The following ANK2 variants were observed in gnomAD, a reference collection of about 807,000 sequenced individuals.
The protein encoded by ANK2 is ankyrin-2.
Under a neutral mutation model 360.5 loss-of-function variants are expected in ANK2, and 83 were observed. That is an observed-to-expected ratio of 0.23 (90% CI 0.19 to 0.28). The LOEUF (loss-of-function observed/expected upper bound fraction) is 0.28. ANK2 is among the 10% of genes least tolerant of loss of function. The pLI, the probability that ANK2 is intolerant of heterozygous loss-of-function variation, is 1.00. For missense variants in ANK2, 4,201 were observed against 4,795.7 expected, an observed-to-expected ratio of 0.88 and a Z score of 3.66; for synonymous variants, 1,740 against 1,759.5, an observed-to-expected ratio of 0.99 and a Z score of 0.28.
chr4:113,301,378 TACACAC>T (rs59844602), intron 22 of ANK2, among the ~76,000 whole-genome samples: 18,373 of 149,512 alleles, frequency 0.12, 2,221 homozygotes, highest in African/African-American at 0.32. Context: ...GATGTTTTGA[TACACAC>T]ACACACACAC....
chr4:112,941,642 TATAA>T (rs2094220183), intron 2 of ANK2, among the ~76,000 whole-genome samples: 1 of 144,670 alleles, frequency 6.9e-6, no homozygotes, highest in South Asian at 2.1e-4. Context: ...TATATAAATA[TATAA>T]ATATATAGAT....
chr4:113,151,213 T>G, intron 1 of ANK2: 1 of 1,113,642 alleles, frequency 9.0e-7, no homozygotes, highest in Non-Finnish European at 1.2e-6. Context: ...AAAAAAGGAA[T>G]GTACCCTTAC....
the ANK2 span, among the ~76,000 whole-genome samples, chr4:112,732,285 T>C: frequency 6.7e-6 from 1 of 149,676 alleles, no homozygotes; most frequent in Admixed American, 6.7e-5. Context: ...GGTCTGGCCC[T>C]GTTGCCCAGG....
Position 112,826,553 on chromosome 4 carries a change from G to A in ANK2, c.-40+8289G>A, listed in dbSNP as rs957695355. On this transcript the variant is annotated intron_variant, in intron 1 of 30. Coordinates refer to the ANK2 transcript ENST00000503271. ...CAATGCAAATCAAACTTGCCCAGCCGGGCCCTGTCCTTTCACAACCAGCTG... is the reference window on the plus strand; with the variant it reads ...CAATGCAAATCAAACTTGCCCAGCCAGGCCCTGTCCTTTCACAACCAGCTG... The A allele has an allele frequency of 1.4e-5, 20 of 1,432,810 alleles. No homozygotes were observed. In the South Asian group the frequency reaches 1.4e-4, roughly 10 times the overall value. The allele number at this position is 1,432,810 out of a possible 1,614,324, so 88.8% of individuals were successfully genotyped here. A position where few individuals can be genotyped will look rare whatever the true frequency, so the allele number is the denominator to read the frequency against.
chr4:113,213,838 G>T (rs1315822159), intron 4 of ANK2, among the ~76,000 whole-genome samples: 1 of 151,946 alleles, frequency 6.6e-6, no homozygotes, highest in Non-Finnish European at 1.5e-5. Context: ...AACAAGAAAA[G>T]GATTCCTGTT....
At chr4:112,879,983 A>G (rs2076245296) in intron 1 of ANK2, among the ~76,000 whole-genome samples, 1 of 152,090 alleles carries the variant, frequency 6.6e-6, no homozygotes, top group African/African-American at 2.4e-5. Flanking sequence ...GCTGCACACC[A>G]TAAAGCAGCT....
rs1025647578 is a variant in ANK2 at position 113,098,714 on chromosome 4, C to T, written c.84+48902C>T. Among the ~76,000 whole-genome samples the T allele has an allele frequency of 6.8e-4, 103 of 151,794 alleles. 3 individuals are homozygous for T. The highest frequency in any genetic ancestry group is 2.5e-4 in the Non-Finnish European group (17 of 67,810). On this transcript the variant is annotated intron_variant, in intron 1 of 45. Transcript: ENST00000357077. ...CTGGTATAACCCTAATTCTAAAACC[C>T]AATAAAGACAGGACAAGAAAGGAAA...
At chr4:112,773,564 A>G in the ANK2 span, among the ~76,000 whole-genome samples, 2 of 152,154 alleles carry the variant, frequency 1.3e-5, no homozygotes, top group Non-Finnish European at 2.9e-5. Flanking sequence ...ACATTTGGGA[A>G]TCCACTTTTT....
chr4:113,177,396 A>C (rs2098258120), intron 2 of ANK2, among the ~76,000 whole-genome samples: 1 of 152,278 alleles, frequency 6.6e-6, no homozygotes, highest in African/African-American at 2.4e-5. Context: ...AGGTTTCTTT[A>C]AGTAGATTAA....
At chr4:113,309,689 GA>G in intron 23 of ANK2, among the ~76,000 whole-genome samples, 1 of 151,716 alleles carries the variant, frequency 6.6e-6, no homozygotes, top group Non-Finnish European at 1.5e-5. Context: ...CTGCTAATTT[GA>G]AAAAAATTTT....
At chr4:112,839,100 C>T (rs2061578173) in intron 1 of ANK2, among the ~76,000 whole-genome samples, 1 of 152,198 alleles carries the variant, frequency 6.6e-6, no homozygotes, top group Admixed American at 6.5e-5. Context: ...TCCATGAAGA[C>T]ATTTTGCACC....
In ANK2 at chr4:113,121,744, TG is replaced by T. The variant is rs2095371852; in HGVS notation, c.85-52671del. Among the ~76,000 whole-genome samples, 6 of 152,280 alleles carry T rather than the reference TG, an allele frequency of 3.9e-5. No homozygotes were observed. The South Asian group carries it at 1.2e-3, about 32-fold the overall frequency. ...ATTAAAAAAAAGCCTCCTTTTGAGT[TG>T]TTTTCATTTAATTTCACAGTAAAAG... On this transcript the variant is annotated intron_variant, in intron 1 of 45. Coordinates refer to ENST00000357077, the MANE Select transcript of ANK2 (RefSeq NM_001148.6).
At chr4:112,721,033 G>T in the ANK2 span, among the ~76,000 whole-genome samples, 1 of 152,110 alleles carries the variant, frequency 6.6e-6, no homozygotes, top group Non-Finnish European at 1.5e-5. Context: ...TTCTCTTGCT[G>T]CAGAGAAAAT....
chr4:112,707,610 TATAA>T, the ANK2 span, among the ~76,000 whole-genome samples: 1 of 152,348 alleles, frequency 6.6e-6, no homozygotes, highest in African/African-American at 2.4e-5. Context: ...TATTTGCAAT[TATAA>T]ATCATATTTT....
At chr4:112,752,575 G>T in the ANK2 span, among the ~76,000 whole-genome samples, 1 of 151,556 alleles carries the variant, frequency 6.6e-6, no homozygotes, top group Non-Finnish European at 1.5e-5. Context: ...TTGAGACAGG[G>T]ATCTGTTGAT....
chr4:113,355,543 A>G lies in ANK2; in HGVS notation c.6925A>G (p.Lys2309Glu), dbSNP rs1200947094. ...AGAGACCTCTACTGAGAGTTTTCAGAAAGAGGCCACTCTAGGCTCTCCCAA... is the reference window on the plus strand; with the variant it reads ...AGAGACCTCTACTGAGAGTTTTCAGGAAGAGGCCACTCTAGGCTCTCCCAA... The part of the protein sequence containing the change: ...DSETSTESFQ[K>E]EATLGSPKDT... Residue 2309 changes from lysine (K) to glutamate (E), a missense_variant, in exon 38 of 46, where the codon AAA becomes GAA. Physicochemically the swap from Lys to Glu is moderately conservative, Grantham distance 56. Around this residue, in one of 4 missense-constraint regions of ANK2, gnomAD observed 2,642 missense variants for 2,714.5 expected, o/e 0.97. Transcript: ENST00000357077. 3 of 1,614,118 alleles carry G rather than the reference A, an allele frequency of 1.9e-6. No individual in the cohort carries two copies. The highest frequency in any genetic ancestry group is 1.1e-5 in the South Asian group (1 of 91,084).
chr4:112,792,330 C>T, the ANK2 span, among the ~76,000 whole-genome samples: 7 of 152,172 alleles, frequency 4.6e-5, no homozygotes, highest in African/African-American at 9.6e-5. Flanking sequence ...TGTGAACCAC[C>T]GTGCCCTGCG....
intron 20 of ANK2, among the ~76,000 whole-genome samples, chr4:113,289,518 T>A (rs1563461604): frequency 6.6e-6 from 1 of 152,158 alleles, no homozygotes; most frequent in Non-Finnish European, 1.5e-5. Flanking sequence ...GCCCAGAAAT[T>A]TCTGACTGCA....
intron 14 of ANK2, among the ~76,000 whole-genome samples, chr4:113,273,033 G>T (rs892528744): frequency 5.9e-5 from 9 of 151,990 alleles, no homozygotes; most frequent in Admixed American, 1.3e-4. Context: ...GTATTTCAGA[G>T]AAATTTTATC....
Sources: allele counts gnomAD v4.1 joint callset (sites outside exome capture counted in the v4.1 genomes callset), GRCh38; gene constraint gnomAD v4.1.1; regional missense constraint gnomAD v4.1.1; transcripts MANE v1.5; gene names NCBI Gene and HGNC (gene_info 2026-07-23, HGNC 2026-07-21).